HOMER1: variants seen among roughly 807,000 people sequenced by gnomAD.
HOMER1 encodes the protein homer scaffold protein 1, also known as homer protein homolog 1.
HOMER1 carries 3 observed loss-of-function variants against 48.9 expected under a neutral mutation model. The ratio of observed to expected loss-of-function variants is 0.06; its 90% confidence interval spans 0.03 to 0.16. HOMER1 has a LOEUF of 0.16. Ranked by LOEUF, HOMER1 falls within the 10% of genes least tolerant of loss-of-function variation. The probability of loss-of-function intolerance (pLI) is 1.00; values close to 1 mark genes in which losing one functional copy is unlikely to be tolerated. For synonymous variants in HOMER1, 134 were observed against 146.4 expected, an observed-to-expected ratio of 0.92 and a Z score of 0.61; for missense variants, 247 against 411.4, an observed-to-expected ratio of 0.60 and a Z score of 3.46.
At chr5:79,473,489 A>G (rs1360290199) in intron 1 of HOMER1, among the ~76,000 whole-genome samples, 3 of 152,202 alleles carry the variant, frequency 2.0e-5, no homozygotes, top group Non-Finnish European at 4.4e-5. Flanking sequence ...AATGGATTAT[A>G]TTAATATTAG....
Position 79,401,926 on chromosome 5 carries a change from T to C in HOMER1, c.657A>G (p.Gln219=). Residue 219 remains glutamine, a synonymous_variant, in exon 6 of 9, where the codon CAA becomes CAG. Transcript: ENST00000334082. ...KQWKQQLAAY[Q]EEAERLHKRV... is the part of the protein sequence containing the mutation. The stretch of plus-strand genomic sequence containing the variant: ...GCTTGTGCAGACGTTCTGCTTCCTC[T>C]TGATAGGCAGCAAGTTGCTGTTTCC... 1.9e-6 allele frequency: 3 copies of C among 1,613,954 alleles called. No homozygotes were observed. The highest frequency in any genetic ancestry group is 1.3e-5 in the African/African-American group (1 of 75,048).
chr5:79,441,339 T>C (rs1397672148), intron 4 of HOMER1, among the ~76,000 whole-genome samples: 1 of 152,190 alleles, frequency 6.6e-6, no homozygotes, highest in Non-Finnish European at 1.5e-5. Flanking sequence ...GTTACCATCT[T>C]CTGGGATAAA....
chr5:79,376,118 T>C lies in HOMER1; in HGVS notation c.956A>G (p.Gln319Arg), dbSNP rs952391150. The change falls in exon 9 of 9, where the codon CAA becomes CGA. Residue 319 changes from glutamine (Q) to arginine (R), a missense_variant. Transcript: ENST00000334082. ...CTTCAGGTTATTGCGAAAAGCTTCT[T>C]GTTCATTCTGACTTTTCTCCAGACG... ...EQRLEKSQNE[Q>R]EAFRNNLKTL... 6.8e-6 allele frequency: 11 copies of C among 1,613,714 alleles called. No homozygotes were observed. The highest frequency in any genetic ancestry group is 9.3e-6 in the Non-Finnish European group (11 of 1,179,810).
chr5:79,477,737 T>C (rs575660856), intron 1 of HOMER1, among the ~76,000 whole-genome samples: 96 of 152,344 alleles, frequency 6.3e-4, no homozygotes, highest in Non-Finnish European at 1.2e-3. Context: ...ATGACATGGA[T>C]GCTTCAGCAC....
chr5:79,439,095 T>A lies in HOMER1; in HGVS notation c.442A>T (p.Thr148Ser). ...SPLTPESING[T>S]DDERTPDVTQ... The stretch of plus-strand genomic sequence containing the variant: ...ACATCAGGTGTTCTTTCATCATCTG[T>A]CCCGTTGATACTTTCCGGTGTTAAA... Residue 148 changes from threonine (T) to serine (S), a missense_variant, in exon 5 of 9, where the codon ACA (threonine) becomes TCA (serine). By Grantham distance (58) the Thr-to-Ser change is moderately conservative. Around this residue, in one of 4 missense-constraint regions of HOMER1, gnomAD observed 94 missense variants for 112.4 expected, o/e 0.84. Transcript: ENST00000334082. 1 of 1,613,866 alleles carries A rather than the reference T, an allele frequency of 6.2e-7. No individual in the cohort carries two copies. The highest frequency in any genetic ancestry group is 8.5e-7 in the Non-Finnish European group (1 of 1,179,792).
chr5:79,460,936 C>T (rs1464246636), intron 1 of HOMER1, among the ~76,000 whole-genome samples: 1 of 152,100 alleles, frequency 6.6e-6, no homozygotes, highest in Non-Finnish European at 1.5e-5. Context: ...GGATGGGCCA[C>T]AGAAAGTAAA....
At chr5:79,506,639 C>T (rs966834444) in intron 1 of HOMER1, among the ~76,000 whole-genome samples, 1 of 152,108 alleles carries the variant, frequency 6.6e-6, no homozygotes, top group Non-Finnish European at 1.5e-5. Context: ...GAGTTCAAGA[C>T]GAGCCTGGGC....
At chr5:79,417,838 T>A (rs1749986125) in intron 5 of HOMER1, among the ~76,000 whole-genome samples, 1 of 152,152 alleles carries the variant, frequency 6.6e-6, no homozygotes, top group East Asian at 1.9e-4. Flanking sequence ...AAATAATAAT[T>A]TAAACGATAA....
chr5:79,426,157 T>C (rs1234983882), intron 5 of HOMER1, among the ~76,000 whole-genome samples: 7 of 151,942 alleles, frequency 4.6e-5, no homozygotes, highest in Non-Finnish European at 1.0e-4. Context: ...AGTGGAAAGT[T>C]TGCACCCTGT....
chr5:79,385,177 A>G (rs1436155298), intron 8 of HOMER1, among the ~76,000 whole-genome samples: 1 of 152,150 alleles, frequency 6.6e-6, no homozygotes, highest in East Asian at 1.9e-4. Flanking sequence ...TTTAAAAAAA[A>G]CACTTCTGGA....
Position 79,447,154 on chromosome 5 carries a change from AT to A in HOMER1, c.295-10del. Reference sequence around the variant, plus strand: ...TGAAACTTTTCTGCAAACTGAATGTATAGAGACTACATACATTAACCAAATA... The same window carrying A: ...TGAAACTTTTCTGCAAACTGAATGTAAGAGACTACATACATTAACCAAATA... On this transcript the variant is annotated splice_polypyrimidine_tract_variant and intron_variant, in intron 3 of 8. Transcript: ENST00000334082. 6.4e-7 allele frequency: 1 copy of A among 1,565,162 alleles called. No individual in the cohort carries two copies. Among genetic ancestry groups the A allele is most frequent in the Non-Finnish European group, 8.8e-7 (1 of 1,136,214 alleles).
intron 1 of HOMER1, among the ~76,000 whole-genome samples, chr5:79,512,260 A>G (rs1194610207): frequency 6.6e-6 from 1 of 152,256 alleles, no homozygotes; most frequent in Non-Finnish European, 1.5e-5. Context: ...CAGTAAATCA[A>G]TTCTATACAT....
chr5:79,431,639 C>T (rs1750427989), intron 5 of HOMER1, among the ~76,000 whole-genome samples: 1 of 152,004 alleles, frequency 6.6e-6, no homozygotes, highest in African/African-American at 2.4e-5. Flanking sequence ...TGAATTATAT[C>T]TCAATAAAGC....
chr5:79,507,899 T>C (rs183514825), intron 1 of HOMER1, among the ~76,000 whole-genome samples: 401 of 152,320 alleles, frequency 2.6e-3, no homozygotes, highest in Non-Finnish European at 4.0e-3. Context: ...GAACATACCA[T>C]GCTCTTTGCT....
chr5:79,483,793 G>A (rs1446910945), intron 1 of HOMER1, among the ~76,000 whole-genome samples: 2 of 150,126 alleles, frequency 1.3e-5, no homozygotes, highest in Non-Finnish European at 3.0e-5. Context: ...GGTGGCTCAC[G>A]CCGGTAATCC....
At chr5:79,389,457 G>A (rs1749192817) in intron 8 of HOMER1, among the ~76,000 whole-genome samples, 1 of 152,092 alleles carries the variant, frequency 6.6e-6, no homozygotes, top group Admixed American at 6.5e-5. Flanking sequence ...GAAATGTAGT[G>A]GCCAATATGA....
chr5:79,441,601 A>G (rs1721086190), intron 4 of HOMER1, among the ~76,000 whole-genome samples: 1 of 152,188 alleles, frequency 6.6e-6, no homozygotes, highest in South Asian at 2.1e-4. Context: ...ACCTAAAGTA[A>G]AAAACAAAAA....
At position 79,491,111 on chromosome 5, in the gene HOMER1, G is replaced by C. The variant is rs564166366; in HGVS notation, c.5+21659C>G. 3.4e-3 allele frequency among the ~76,000 whole-genome samples: 136 copies of C among 39,648 alleles called. 1 individual carries two copies. The Middle Eastern group carries it at 0.062, about 18-fold the overall frequency. The allele number at this position is 39,648 out of a possible 152,430, so 26.0% of individuals were successfully genotyped here. A position where few individuals can be genotyped will look rare whatever the true frequency, so the allele number is the denominator to read the frequency against. On this transcript the variant is annotated intron_variant, in intron 1 of 8. Coordinates refer to ENST00000334082, the MANE Select transcript of HOMER1 (RefSeq NM_004272.5). ...AAAAAAAAAAAAAAAAAAAAAAAAA[G>C]CTTGTCATGCTCTTTATTTAGAAGT... is the stretch of plus-strand genomic sequence containing the variant.
chr5:79,487,376 T>C (rs532319501), intron 1 of HOMER1, among the ~76,000 whole-genome samples: 1 of 152,134 alleles, frequency 6.6e-6, no homozygotes, highest in South Asian at 2.1e-4. Flanking sequence ...AAAAGAGAAA[T>C]GGCAAGACAG....
Sources: allele counts gnomAD v4.1 joint callset (sites outside exome capture counted in the v4.1 genomes callset), GRCh38; gene constraint gnomAD v4.1.1; regional missense constraint gnomAD v4.1.1; transcripts MANE v1.5; gene names NCBI Gene and HGNC (gene_info 2026-07-23, HGNC 2026-07-21).